The following SEMA6D variants were observed in gnomAD, a reference collection of about 807,000 sequenced individuals.
The protein encoded by SEMA6D is semaphorin-6D.
Under a neutral mutation model 106.6 loss-of-function variants are expected in SEMA6D, and 35 were observed. That is an observed-to-expected ratio of 0.33 (90% CI 0.25 to 0.44). The LOEUF (loss-of-function observed/expected upper bound fraction) is 0.44. Among genes scored for constraint, SEMA6D ranks in the 20% least tolerant of loss-of-function variants. SEMA6D has a pLI of 1.00. For missense variants in SEMA6D, 1,185 were observed against 1,345.9 expected (o/e 0.88, Z 1.87); for synonymous variants, 499 against 487.7 (o/e 1.02, Z -0.31).
chr15:47,721,257 A>G (rs987371905), intron 1 of SEMA6D, among the ~76,000 whole-genome samples: 7 of 152,256 alleles, frequency 4.6e-5, no homozygotes, highest in Admixed American at 4.6e-4. Flanking sequence ...TTAAAGCAAG[A>G]TTATCCATAC....
At chr15:47,647,349 T>C (rs2077599335) in intron 4 of SEMA6D, among the ~76,000 whole-genome samples, 3 of 152,226 alleles carry the variant, frequency 2.0e-5, no homozygotes, top group Non-Finnish European at 2.9e-5. Context: ...CAAGTGCTAT[T>C]GAAGCTCACT....
chr15:47,461,722 ATATGT>A (rs2042517814), intron 2 of SEMA6D, among the ~76,000 whole-genome samples: 1 of 152,080 alleles, frequency 6.6e-6, no homozygotes, highest in Admixed American at 6.6e-5. Context: ...TCTAGTCCTC[ATATGT>A]TAATTTATTT....
chr15:47,670,951 A>C (rs2078124780), intron 4 of SEMA6D, among the ~76,000 whole-genome samples: 1 of 152,254 alleles, frequency 6.6e-6, no homozygotes, highest in Non-Finnish European at 1.5e-5. Context: ...TTAAGGAAAA[A>C]AAGTGATATT....
At chr15:47,516,805 C>A (rs12594525) in intron 3 of SEMA6D, among the ~76,000 whole-genome samples, 2 of 152,030 alleles carry the variant, frequency 1.3e-5, no homozygotes, top group Non-Finnish European at 2.9e-5. Flanking sequence ...CCAAAATATT[C>A]TCCTAGAGCT....
intron 1 of SEMA6D, among the ~76,000 whole-genome samples, chr15:47,290,975 G>A (rs1376289952): frequency 3.9e-5 from 6 of 152,164 alleles, no homozygotes; most frequent in Non-Finnish European, 7.4e-5. Flanking sequence ...ATGTGATACC[G>A]TCTCTTGTAA....
At chr15:47,468,878 G>GA (rs1420748368) in intron 2 of SEMA6D, among the ~76,000 whole-genome samples, 6 of 152,242 alleles carry the variant, frequency 3.9e-5, no homozygotes, top group South Asian at 4.1e-4. Flanking sequence ...AAGCCATTCA[G>GA]AATGATTTCC....
intron 3 of SEMA6D, among the ~76,000 whole-genome samples, chr15:47,528,233 C>T (rs1382997012): frequency 1.3e-5 from 2 of 152,182 alleles, no homozygotes; most frequent in Non-Finnish European, 2.9e-5. Context: ...AGAGGAATAA[C>T]TAAATTCTTA....
chr15:47,586,248 C>G (rs2076336852), intron 3 of SEMA6D, among the ~76,000 whole-genome samples: 1 of 152,146 alleles, frequency 6.6e-6, no homozygotes, highest in South Asian at 2.1e-4. Flanking sequence ...AGTGTACAAA[C>G]AGTGCTTAGC....
chr15:47,348,717 AC>A (rs879484390), intron 1 of SEMA6D, among the ~76,000 whole-genome samples: 4,724 of 42,748 alleles, frequency 0.11, 146 homozygotes, highest in Middle Eastern at 0.16. Context: ...ACACACACAC[AC>A]CACACACACA....
chr15:47,187,170 T>C (rs981127307), intron 1 of SEMA6D, among the ~76,000 whole-genome samples: 1 of 152,208 alleles, frequency 6.6e-6, no homozygotes, highest in Non-Finnish European at 1.5e-5. Context: ...GTAAATGTTA[T>C]TATTTTCTGT....
chr15:47,539,490 T>C (rs1485672203), intron 3 of SEMA6D, among the ~76,000 whole-genome samples: 2 of 152,048 alleles, frequency 1.3e-5, no homozygotes, highest in Non-Finnish European at 2.9e-5. Flanking sequence ...AGTGGCGTGA[T>C]CTCAGCTCAC....
intron 4 of SEMA6D, among the ~76,000 whole-genome samples, chr15:47,677,225 T>A (rs897355290): frequency 6.6e-6 from 1 of 152,132 alleles, no homozygotes; most frequent in Non-Finnish European, 1.5e-5. Flanking sequence ...CTGAGATGGA[T>A]GTCCAAGAAA....
In SEMA6D at chr15:47,293,758, C is replaced by T. The variant is rs149045140; in HGVS notation, c.-239+109340C>T. 1.3e-3 allele frequency among the ~76,000 whole-genome samples: 200 copies of T among 152,234 alleles called. 1 individual carries two copies. The highest frequency in any genetic ancestry group is 3.6e-3 in the African/African-American group (149 of 41,526). On this transcript the variant is annotated intron_variant, in intron 1 of 19. Transcript: ENST00000558014. ...AACTCAGAACTGGTTTAATGCAGCA[C>T]GTGTATGTAGTTATTATAAACAATG...
At chr15:47,375,611 A>G (rs1260612875) in intron 1 of SEMA6D, among the ~76,000 whole-genome samples, 1 of 152,222 alleles carries the variant, frequency 6.6e-6, no homozygotes, top group Non-Finnish European at 1.5e-5. Flanking sequence ...TAAAAAGCCA[A>G]ACTCAGTTTT....
At chr15:47,600,183 A>G (rs1490748646) in intron 3 of SEMA6D, among the ~76,000 whole-genome samples, 5 of 152,162 alleles carry the variant, frequency 3.3e-5, no homozygotes, top group Non-Finnish European at 4.4e-5. Flanking sequence ...GCTTAACTGA[A>G]TACCTAACTC....
chr15:47,344,643 T>G (rs1246116677), intron 1 of SEMA6D, among the ~76,000 whole-genome samples: 1 of 152,188 alleles, frequency 6.6e-6, no homozygotes, highest in Admixed American at 6.6e-5. Context: ...AAGAGAACAC[T>G]AGAGATCTGC....
intron 1 of SEMA6D, among the ~76,000 whole-genome samples, chr15:47,234,807 A>G (rs1391037052): frequency 6.6e-6 from 1 of 152,102 alleles, no homozygotes; most frequent in Non-Finnish European, 1.5e-5. Context: ...TGCCATAAAC[A>G]TTCATGTGCA....
rs151319924 is a variant in SEMA6D at position 47,490,537 on chromosome 15, C to T, written c.-87+19992C>T. 6.0e-3 allele frequency among the ~76,000 whole-genome samples: 906 copies of T among 152,010 alleles called. 13 individuals are homozygous for T. Among genetic ancestry groups the T allele is most frequent in the African/African-American group, 0.021 (859 of 41,422 alleles). On this transcript the variant is annotated intron_variant, in intron 3 of 19. Coordinates refer to the SEMA6D transcript ENST00000558014. Reference sequence around the variant, plus strand: ...GCATGCGCCTGTAGTTCCAGCTACTCGGGAGACTGAGGCAGGAGAATCACT... The same window carrying T: ...GCATGCGCCTGTAGTTCCAGCTACTTGGGAGACTGAGGCAGGAGAATCACT...
intron 4 of SEMA6D, among the ~76,000 whole-genome samples, chr15:47,651,633 C>T (rs1681599022): frequency 6.6e-6 from 1 of 152,148 alleles, no homozygotes; most frequent in Admixed American, 6.5e-5. Context: ...GTTTTCAATC[C>T]TGGTTTATTA....
Sources: gnomAD v4.1 joint callset for allele counts (sites outside exome capture counted in the v4.1 genomes callset) on GRCh38, gnomAD v4.1.1 for gene constraint, MANE v1.5 for transcripts, NCBI Gene and HGNC (gene_info 2026-07-23, HGNC 2026-07-21) for gene names.